Variants in SH3TC1 observed in about 807,000 individuals in gnomAD.
SH3TC1 encodes SH3 domain and tetratricopeptide repeats 1.
A neutral mutation model predicts 117.3 loss-of-function variants in SH3TC1; 135 were observed. That is an observed-to-expected ratio of 1.15 (90% CI 1.00 to 1.33). SH3TC1 has a LOEUF of 1.33. Ranked by LOEUF, SH3TC1 falls within the 40% of genes most tolerant of loss-of-function variation. SH3TC1 has a pLI of 0.00. For synonymous variants in SH3TC1, 898 were observed against 816.9 expected (o/e 1.10, Z -1.69); for missense variants, 2,092 against 1,794.3 (o/e 1.17, Z -3.00).
rs748691097 is a variant in SH3TC1, at chr4:8,237,506, C to T, written c.3589C>T (p.Arg1197Trp). Reference sequence around the variant, plus strand: ...GCTGAACGAGCGCGTGGCCTACCACCGGCTGGCCGCCCTGCAACACCGACT... The same window carrying T: ...GCTGAACGAGCGCGTGGCCTACCACTGGCTGGCCGCCCTGCAACACCGACT... ...DRLNERVAYH[R>W]LAALQHRLGH... The change falls in exon 17 of 18, where the codon CGG becomes TGG. Residue 1197 changes from arginine (R) to tryptophan (W), a missense_variant. By Grantham distance (101) the Arg-to-Trp change is moderately radical. Transcript: ENST00000245105. The T allele has an allele frequency of 7.8e-5, 125 of 1,602,332 alleles. No homozygotes were observed. Among genetic ancestry groups the T allele is most frequent in the Middle Eastern group, 3.6e-4 (2 of 5,572 alleles).
chr4:8,195,148 C>G (rs1717521437), upstream of SH3TC1, among the ~76,000 whole-genome samples: 1 of 152,220 alleles, frequency 6.6e-6, no homozygotes, highest in Non-Finnish European at 1.5e-5. Flanking sequence ...CATCAGCAAG[C>G]CCCATGTGAT....
upstream of SH3TC1, among the ~76,000 whole-genome samples, chr4:8,196,476 G>A (rs755164292): frequency 2.0e-5 from 3 of 152,162 alleles, no homozygotes; most frequent in South Asian, 2.1e-4. This position sits in a 1 kb window ranked among gnomAD's most constrained non-coding sequence, Gnocchi z 4.6. Context: ...CAGATGCCTC[G>A]GGGGTGGCCA....
intron 1 of SH3TC1, chr4:8,201,487 C>G (rs1717839691): frequency 6.6e-6 from 1 of 152,340 alleles, no homozygotes; most frequent in African/African-American, 2.4e-5. Context: ...ATAAACTGAA[C>G]AAACAGGATG....
At chr4:8,200,156 G>A (rs1018598529) in intron 1 of SH3TC1, among the ~76,000 whole-genome samples, 1 of 152,216 alleles carries the variant, frequency 6.6e-6, no homozygotes, top group African/African-American at 2.4e-5. Context: ...GACGCTGGGG[G>A]GTGTTAGCGG....
At chr4:8,240,300 A>G (rs1257469307) in intron 17 of SH3TC1, among the ~76,000 whole-genome samples, 1 of 152,194 alleles carries the variant, frequency 6.6e-6, no homozygotes, top group Non-Finnish European at 1.5e-5. Flanking sequence ...GGGCCTGGAA[A>G]TGGTCAGCAT....
chr4:8,237,412 GGTCTGCATGCCTGCCCCGGGGAGCCAC>G (rs1578756676), intron 16 of SH3TC1, 35 bp from the exon 17 acceptor site: 5 of 1,335,554 alleles, frequency 3.7e-6, no homozygotes, highest in Non-Finnish European at 4.8e-6. Flanking sequence ...GTGCTGCCGG[GGTCTGCATGCCTGCCCCGGGGAGCCAC>G]GTCCTCACAC....
Position 8,206,017 on chromosome 4 carries a change from T to A in SH3TC1, c.172+651T>A. 3.2e-6 allele frequency: 1 copy of A among 316,700 alleles called. No homozygotes were observed. Among genetic ancestry groups the A allele is most frequent in the Non-Finnish European group, 5.9e-6 (1 of 170,268 alleles). 19.6% of individuals were successfully genotyped at this position (316,700 alleles called of 1,614,324 possible). The stretch of plus-strand genomic sequence containing the variant: ...CTCCCAGTGTCCAGCCTCAGCCCAG[T>A]CTCCTCTTAGCTGCCTATGTCCCTG... On this transcript the variant is annotated intron_variant, in intron 2 of 17. Coordinates refer to ENST00000245105, the MANE Select transcript of SH3TC1 (RefSeq NM_018986.5). The surrounding 1 kb of genome is among the most constrained non-coding windows in gnomAD (Gnocchi z 5.5).
intron 1 of SH3TC1, among the ~76,000 whole-genome samples, chr4:8,204,491 G>A (rs1055404443): frequency 6.6e-6 from 1 of 152,166 alleles, no homozygotes; most frequent in African/African-American, 2.4e-5. Context: ...GGAGGGGCAG[G>A]GTGGACCTTT....
At chr4:8,226,309 C>G (rs1720455446) in intron 11 of SH3TC1, among the ~76,000 whole-genome samples, 1 of 152,188 alleles carries the variant, frequency 6.6e-6, no homozygotes, top group Admixed American at 6.5e-5. Flanking sequence ...TTTGTTAACC[C>G]TTTAGGAACT....
chr4:8,196,827 C>T (rs1261942744), upstream of SH3TC1, among the ~76,000 whole-genome samples: 5 of 152,086 alleles, frequency 3.3e-5, no homozygotes, highest in East Asian at 5.8e-4. This position sits in a 1 kb window ranked among gnomAD's most constrained non-coding sequence, Gnocchi z 4.6. Flanking sequence ...GACCTTGTAT[C>T]GTCCATCCCC....
At position 8,192,961 on chromosome 4, in the gene SH3TC1, C is replaced by T. The variant is rs1338211339; in HGVS notation, c.-57+10751C>T. Among the ~76,000 whole-genome samples, 1 of 152,242 alleles carries T rather than the reference C, an allele frequency of 6.6e-6. No individual in the cohort carries two copies. Among genetic ancestry groups the T allele is most frequent in the Non-Finnish European group, 1.5e-5 (1 of 68,046 alleles). On this transcript the variant is annotated intron_variant, in intron 1 of 16. Coordinates refer to the SH3TC1 transcript ENST00000508641. This position sits in a 1 kb window ranked among gnomAD's most constrained non-coding sequence, Gnocchi z 4.1. ...CATGTTTCAAGCCTGTTTCACAGCACAAGACAGCCTCAGCTCTGTGGTCCA... is the reference window on the plus strand; with the variant it reads ...CATGTTTCAAGCCTGTTTCACAGCATAAGACAGCCTCAGCTCTGTGGTCCA...
Position 8,228,041 on chromosome 4 carries a change from G to A in SH3TC1, c.2347G>A (p.Ala783Thr). 1.2e-6 allele frequency: 2 copies of A among 1,606,438 alleles called. No individual in the cohort carries two copies. The highest frequency in any genetic ancestry group is 1.7e-6 in the Non-Finnish European group (2 of 1,175,746). The change falls in exon 12 of 18, where the codon GCG becomes ACG. Residue 783 changes from alanine to threonine, a missense_variant. By Grantham distance (58) the Ala-to-Thr change is moderately conservative. Coordinates refer to ENST00000245105, the MANE Select transcript of SH3TC1 (RefSeq NM_018986.5). ...CTCCCTGACCCCGGGCACAGGCCAG[G>A]CGCTGCGCGGCCCCCTCTACACCAG... is the stretch of plus-strand genomic sequence containing the variant. The part of the protein sequence containing the change: ...LASLTPGTGQ[A>T]LRGPLYTSLA...
In SH3TC1 at chr4:8,216,175, T is replaced by C. The variant is rs1166581216; in HGVS notation, c.546T>C (p.Ser182=). ...MDQAFWLLLP[S]EEEETAIQVH... ...AGGCCTTCTGGCTGCTCTTGCCCAGTGAGGAGGAGGAGACGGCCATCCAAG... is the reference window on the plus strand; with the variant it reads ...AGGCCTTCTGGCTGCTCTTGCCCAGCGAGGAGGAGGAGACGGCCATCCAAG... The change falls in exon 6 of 18, where the codon AGT becomes AGC. Residue 182 remains serine, a synonymous_variant. Transcript: ENST00000245105. 9.9e-6 allele frequency: 16 copies of C among 1,613,556 alleles called. No individual in the cohort carries two copies. The highest frequency in any genetic ancestry group is 1.3e-5 in the Non-Finnish European group (15 of 1,179,968).
In SH3TC1 at chr4:8,237,610, G is replaced by A. The variant is rs1213950537; in HGVS notation, c.3693G>A (p.Glu1231=). 6.2e-7 allele frequency: 1 copy of A among 1,612,578 alleles called. No individual in the cohort carries two copies. Among genetic ancestry groups the A allele is most frequent in the Non-Finnish European group, 8.5e-7 (1 of 1,179,584 alleles). ...ACTCGCCGCTGGAGTTTGACGAGGAGACCCTCTACTACGTGAAGGTGTACC... is the reference window on the plus strand; with the variant it reads ...ACTCGCCGCTGGAGTTTGACGAGGAAACCCTCTACTACGTGAAGGTGTACC... ...LCNSPLEFDE[E]TLYYVKVYLV... is the part of the protein sequence containing the mutation. The change falls in exon 17 of 18, where the codon GAG becomes GAA. Residue 1231 remains glutamate, a synonymous_variant. Coordinates refer to ENST00000245105, the MANE Select transcript of SH3TC1 (RefSeq NM_018986.5).
intron 8 of SH3TC1, 98 bp downstream of exon 8, chr4:8,218,445 A>G: frequency 1.2e-6 from 1 of 804,676 alleles, no homozygotes; most frequent in Non-Finnish European, 2.0e-6. Flanking sequence ...CCTGAGCCAG[A>G]GAGATAGCTA....
chr4:8,210,317 C>T lies in SH3TC1; in HGVS notation c.247+495C>T, dbSNP rs1442695739. 6.6e-6 allele frequency among the ~76,000 whole-genome samples: 1 copy of T among 152,144 alleles called. No individual in the cohort carries two copies. The highest frequency in any genetic ancestry group is 1.5e-5 in the Non-Finnish European group (1 of 68,042). On this transcript the variant is annotated intron_variant, in intron 3 of 17. Coordinates refer to ENST00000245105, the MANE Select transcript of SH3TC1 (RefSeq NM_018986.5). The surrounding 1 kb of genome is among the most constrained non-coding windows in gnomAD (Gnocchi z 4.1). ...GCCCCTTACCCTGGAGACCCCCCAA[C>T]CCCCCGCTGGGGAGGAATGGAGACC...
At chr4:8,185,345 CA>C (rs577512262) in intron 1 of SH3TC1, among the ~76,000 whole-genome samples, 143 of 151,822 alleles carry the variant, frequency 9.4e-4, no homozygotes, top group African/African-American at 3.3e-3. Flanking sequence ...TCAAAAAAAA[CA>C]AAAAAAGCGC....
At chr4:8,226,055 T>A (rs748019934) in intron 11 of SH3TC1, among the ~76,000 whole-genome samples, 44 of 152,054 alleles carry the variant, frequency 2.9e-4, no homozygotes, top group Non-Finnish European at 1.3e-4. Context: ...CATATGTAAT[T>A]TTTTTTTAAT....
intron 16 of SH3TC1, 79 bp downstream of exon 16, chr4:8,236,507 G>T: frequency 1.4e-6 from 2 of 1,405,306 alleles, no homozygotes; most frequent in Non-Finnish European, 1.9e-6. Flanking sequence ...GGCAGGAGCC[G>T]AAACAGCTGC....
Sources: allele counts gnomAD v4.1 joint callset (sites outside exome capture counted in the v4.1 genomes callset), GRCh38; gene constraint gnomAD v4.1.1; non-coding constraint Gnocchi (gnomAD v3.1); transcripts MANE v1.5; gene names NCBI Gene and HGNC (gene_info 2026-07-23, HGNC 2026-07-21).